MIB2: variants seen among roughly 807,000 people sequenced by gnomAD.
MIB2 encodes the protein MIB E3 ubiquitin protein ligase 2, also known as E3 ubiquitin-protein ligase MIB2.
Under a neutral mutation model 96.6 loss-of-function variants are expected in MIB2, and 78 were observed. The observed-to-expected ratio is 0.81, with a 90% confidence interval of 0.67 to 0.97. The LOEUF (loss-of-function observed/expected upper bound fraction) is 0.97, where lower values mean the gene tolerates loss of function less well. Ranked by LOEUF, MIB2 falls within the 50% of genes least tolerant of loss-of-function variation. The pLI, the probability that MIB2 is intolerant of heterozygous loss-of-function variation, is 0.00. For synonymous variants in MIB2, 820 were observed against 629.5 expected (o/e 1.30, Z -4.53); for missense variants, 1,543 against 1,424.0 (o/e 1.08, Z -1.35).
chr1:1,615,928 G>A, intron 1 of MIB2: 2 of 993,274 alleles, frequency 2.0e-6, no homozygotes, highest in Non-Finnish European at 1.2e-6. Context: ...TCCGGGCCGG[G>A]TGGGCTGCGG....
In MIB2 at chr1:1,626,312, CCCCACG is replaced by C; in HGVS notation, c.973-336_973-331del. ...GCACCCCATGGTCCTGGGGCCCCACCCCCACGCTGGCTCACGGGCCCTGGCCATGTT... is the reference window on the plus strand; with the variant it reads ...GCACCCCATGGTCCTGGGGCCCCACCCTGGCTCACGGGCCCTGGCCATGTT... On this transcript the variant is annotated intron_variant, in intron 8 of 19. Transcript: ENST00000355826. This position sits in a 1 kb window ranked among gnomAD's most constrained non-coding sequence, Gnocchi z 5.3. 2.7e-6 allele frequency: 1 copy of C among 376,946 alleles called. No homozygotes were observed. The highest frequency in any genetic ancestry group is 4.6e-5 in the East Asian group (1 of 21,638). 23.4% of individuals were successfully genotyped at this position (376,946 alleles called of 1,614,324 possible).
upstream of MIB2, chr1:1,614,076 T>C (rs1026770409): frequency 3.9e-5 from 6 of 152,168 alleles, no homozygotes; most frequent in Non-Finnish European, 7.3e-5. Context: ...AAAAAAAGAT[T>C]GTACAGGAAT....
chr1:1,627,133 G>A lies in MIB2; in HGVS notation c.1300G>A (p.Gly434Arg). Residue 434 changes from glycine (G) to arginine (R), a missense_variant, in exon 11 of 20, where the codon GGA becomes AGA. Transcript: ENST00000355826. Reference protein sequence around the residue: ...RAQKSDPEHPGRLVVEVALGN... With the variant: ...RAQKSDPEHPRRLVVEVALGN... ...CCAGAAGAGTGACCCAGAGCACCCGGGAAGGCTGGTGGTGGAGGTGGCGCT... is the reference window on the plus strand; with the variant it reads ...CCAGAAGAGTGACCCAGAGCACCCGAGAAGGCTGGTGGTGGAGGTGGCGCT... The A allele has an allele frequency of 6.3e-7, 1 of 1,597,348 alleles. No homozygotes were observed. The highest frequency in any genetic ancestry group is 8.5e-7 in the Non-Finnish European group (1 of 1,172,438).
At position 1,628,124 on chromosome 1, in the gene MIB2, A is replaced by T. The variant is rs1644987456; in HGVS notation, c.1786A>T (p.Thr596Ser). 1 of 1,613,236 alleles carries T rather than the reference A, an allele frequency of 6.2e-7. No homozygotes were observed. Among genetic ancestry groups the T allele is most frequent in the Admixed American group, 1.7e-5 (1 of 60,002 alleles). The change falls in exon 14 of 20, where the codon ACC (threonine) becomes TCC (serine). Residue 596 changes from threonine (T) to serine (S), a missense_variant. Physicochemically the swap from Thr to Ser is moderately conservative, Grantham distance 58. Transcript: ENST00000355826. Reference sequence around the variant, plus strand: ...GGTGCCAAACATCGATGTTACCGCCACCAACAGCCAGGGTTTCACCCTGCT... The same window carrying T: ...GGTGCCAAACATCGATGTTACCGCCTCCAACAGCCAGGGTTTCACCCTGCT... ...TEVPNIDVTA[T>S]NSQGFTLLHH...
At position 1,623,833 on chromosome 1, in the gene MIB2, C is replaced by G. The variant is rs778982075; in HGVS notation, c.307C>G (p.Arg103Gly). Residue 103 changes from arginine to glycine, a missense_variant, in exon 4 of 20, where the codon CGC becomes GGC. Transcript: ENST00000355826. ...CAAGAAGCACGGGCTGCGGGGGATGCGCTGGAAGTGCCGTGTGTGCCTGGA... is the reference window on the plus strand; with the variant it reads ...CAAGAAGCACGGGCTGCGGGGGATGGGCTGGAAGTGCCGTGTGTGCCTGGA... ...CCKKHGLRGM[R>G]WKCRVCLDYD... 3.1e-6 allele frequency: 5 copies of G among 1,610,210 alleles called. No homozygotes were observed. Among genetic ancestry groups the G allele is most frequent in the Non-Finnish European group, 4.2e-6 (5 of 1,178,896 alleles).
Position 1,626,438 on chromosome 1 carries a change from A to G in MIB2, c.973-212A>G. ...TTCTGTCTGCCTGGACACTCCTCCC[A>G]TGGCTCTGGGGCTAGGGACACCCAG... On this transcript the variant is annotated intron_variant, in intron 8 of 19. Coordinates refer to ENST00000355826, the MANE Select transcript of MIB2 (RefSeq NM_001170687.4). The surrounding 1 kb of genome is among the most constrained non-coding windows in gnomAD (Gnocchi z 5.3). 1 of 550,778 alleles carries G rather than the reference A, an allele frequency of 1.8e-6. No individual in the cohort carries two copies. Among genetic ancestry groups the G allele is most frequent in the East Asian group, 3.0e-5 (1 of 33,182 alleles). 34.1% of individuals were successfully genotyped at this position (550,778 alleles called of 1,614,324 possible). A position where few individuals can be genotyped will look rare whatever the true frequency, so the allele number is the denominator to read the frequency against.
chr1:1,628,845 G>C (rs1344307797), intron 16 of MIB2, 123 bp downstream of exon 16: 1 of 943,388 alleles, frequency 1.1e-6, no homozygotes, highest in Non-Finnish European at 1.5e-6. Flanking sequence ...AGGCGTTCTG[G>C]GGGTGGAGCA....
At chr1:1,616,431 G>T (rs1643687591) in intron 1 of MIB2, 77 bp from the exon 2 acceptor site, 13 of 1,094,270 alleles carry the variant, frequency 1.2e-5, no homozygotes, top group Non-Finnish European at 1.5e-5. Flanking sequence ...CCGGCGGGCA[G>T]CCCCGGGGGC....
At chr1:1,628,250 A>G (rs1557613125) in intron 14 of MIB2, 23 bp from the exon 15 acceptor site, 3 of 1,612,878 alleles carry the variant, frequency 1.9e-6, no homozygotes, top group East Asian at 2.2e-5. Flanking sequence ...CCCAGGTCCC[A>G]GACCAACCTC....
At chr1:1,615,263 G>A (rs749307730), upstream of MIB2, 880 of 1,160,490 alleles carry the variant, frequency 7.6e-4, no homozygotes, top group Admixed American at 1.5e-3. Flanking sequence ...TGCCGCCAGT[G>A]CCAGCGAGCG....
Position 1,628,679 on chromosome 1 carries a change from A to T in MIB2, c.2159A>T (p.Asp720Val), listed in dbSNP as rs745553017. 4.8e-5 allele frequency: 75 copies of T among 1,578,772 alleles called. 1 individual carries two copies. The East Asian group carries it at 1.5e-3, about 31-fold the overall frequency. Residue 720 changes from aspartate (D) to valine (V), a missense_variant, in exon 16 of 20, where the codon GAT (aspartate) becomes GTT (valine). Coordinates refer to ENST00000355826, the MANE Select transcript of MIB2 (RefSeq NM_001170687.4). Reference sequence around the variant, plus strand: ...CATCAGCTGCTGCCCCTGGTGGCTGATGGGGCCGGGGGGGACCCAGGGCCC... The same window carrying T: ...CATCAGCTGCTGCCCCTGGTGGCTGTTGGGGCCGGGGGGGACCCAGGGCCC... ...QRHQLLPLVA[D>V]GAGGDPGPLQ...
upstream of MIB2, chr1:1,614,339 TC>T: frequency 6.6e-6 from 1 of 152,338 alleles, no homozygotes; most frequent in African/African-American, 2.4e-5. Flanking sequence ...GCAGGGAAAT[TC>T]CTCAGGACTG....
chr1:1,630,496 A>C lies in MIB2; in HGVS notation c.2834A>C (p.Gln945Pro). The change falls in exon 20 of 20, where the codon CAG (glutamine) becomes CCG (proline). Residue 945 changes from glutamine (Q) to proline (P), a missense_variant. Transcript: ENST00000355826. ...CTCAGCGCCTGCCCCATCTGCCGCC[A>C]GCCCATCCGCGACCGCATCCAGATC... ...SALSACPICR[Q>P]PIRDRIQIFV is the part of the protein sequence containing the mutation. The C allele has an allele frequency of 6.3e-7, 1 of 1,592,742 alleles. No homozygotes were observed. Among genetic ancestry groups the C allele is most frequent in the Non-Finnish European group, 8.5e-7 (1 of 1,175,056 alleles).
At chr1:1,616,153 G>A (rs1643628877) in intron 1 of MIB2, 1 of 961,944 alleles carries the variant, frequency 1.0e-6, no homozygotes, top group Non-Finnish European at 1.2e-6. Flanking sequence ...GGCGGCCTCC[G>A]CGAGCCACGG....
At position 1,626,772 on chromosome 1, in the gene MIB2, C is replaced by T. The variant is rs959728668; in HGVS notation, c.1077+18C>T. The T allele has an allele frequency of 1.9e-6, 3 of 1,564,622 alleles. No individual in the cohort carries two copies. The highest frequency in any genetic ancestry group is 2.6e-6 in the Non-Finnish European group (3 of 1,158,020). On this transcript the variant is annotated intron_variant, in intron 9 of 19. Transcript: ENST00000355826. This position sits in a 1 kb window ranked among gnomAD's most constrained non-coding sequence, Gnocchi z 5.3. ...TGGCCCCTGTGAGTCCCCCTGCCACCCCCGCCGCTAGCGCCGCTGCCCCCC... is the reference window on the plus strand; with the variant it reads ...TGGCCCCTGTGAGTCCCCCTGCCACTCCCGCCGCTAGCGCCGCTGCCCCCC...
upstream of MIB2, chr1:1,614,033 T>A (rs1454318274): frequency 6.6e-6 from 1 of 151,934 alleles, no homozygotes; most frequent in Non-Finnish European, 1.5e-5. Flanking sequence ...GCTAGATATG[T>A]GAAAATATTA....
chr1:1,616,431 G>GA, intron 1 of MIB2, 77 bp from the exon 2 acceptor site: 1 of 1,094,272 alleles, frequency 9.1e-7, no homozygotes, highest in African/African-American at 1.7e-5. Context: ...CCGGCGGGCA[G>GA]CCCCGGGGGC....
chr1:1,619,030 C>G (rs1224287843), intron 2 of MIB2: 1 of 152,496 alleles, frequency 6.6e-6, no homozygotes, highest in East Asian at 1.9e-4. Context: ...GTGAGAAAGC[C>G]AGGCAGGCAG....
rs1056688050 is a variant in MIB2 at position 1,626,560 on chromosome 1, C to G, written c.973-90C>G. ...GGGGCCGAGTCAGGCCTGCCTGTCT[C>G]GTGGAGCTCAGCAGGTTGCCCTCCT... is the stretch of plus-strand genomic sequence containing the variant. On this transcript the variant is annotated intron_variant, in intron 8 of 19. Coordinates refer to ENST00000355826, the MANE Select transcript of MIB2 (RefSeq NM_001170687.4). This position sits in a 1 kb window ranked among gnomAD's most constrained non-coding sequence, Gnocchi z 5.3. 271 of 1,137,412 alleles carry G rather than the reference C, an allele frequency of 2.4e-4. No individual in the cohort carries two copies. Among genetic ancestry groups the G allele is most frequent in the Non-Finnish European group, 3.2e-4 (259 of 818,184 alleles). 70.5% of individuals were successfully genotyped at this position (1,137,412 alleles called of 1,614,324 possible). A position where few individuals can be genotyped will look rare whatever the true frequency, so the allele number is the denominator to read the frequency against.
Sources: allele counts gnomAD v4.1 joint callset, GRCh38; gene constraint gnomAD v4.1.1; non-coding constraint Gnocchi (gnomAD v3.1); transcripts MANE v1.5; gene names NCBI Gene and HGNC (gene_info 2026-07-23, HGNC 2026-07-21).